EPHB1: variants seen among roughly 807,000 people sequenced by gnomAD.
EPHB1 encodes the protein ephrin type-B receptor 1.
EPHB1 carries 30 observed loss-of-function variants against 94.4 expected under a neutral mutation model. The ratio of observed to expected loss-of-function variants is 0.32; its 90% CI spans 0.24 to 0.43. The LOEUF (loss-of-function observed/expected upper bound fraction) is 0.43. Among genes scored for constraint, EPHB1 ranks in the 20% least tolerant of loss-of-function variants. EPHB1 has a pLI of 1.00. For missense variants in EPHB1, 1,055 were observed against 1,308.3 expected (o/e 0.81, Z 2.99); for synonymous variants, 522 against 489.1 (o/e 1.07, Z -0.89).
At chr3:134,818,008 T>G (rs1327939348) in intron 1 of EPHB1, among the ~76,000 whole-genome samples, 1 of 152,154 alleles carries the variant, frequency 6.6e-6, no homozygotes, top group African/African-American at 2.4e-5. Flanking sequence ...TCTTAATGCT[T>G]TTCCCCGCCC....
intron 4 of EPHB1, among the ~76,000 whole-genome samples, chr3:135,127,968 A>G (rs1404579): frequency 0.21 from 31,413 of 152,058 alleles, 3,322 homozygotes; most frequent in South Asian, 0.29. Context: ...ACAGCTCAAC[A>G]CTTCTCCCAT....
intron 10 of EPHB1, among the ~76,000 whole-genome samples, chr3:135,182,080 A>T (rs370989672): frequency 6.6e-6 from 1 of 152,148 alleles, no homozygotes; most frequent in Non-Finnish European, 1.5e-5. Context: ...ACTTCATGCA[A>T]TTTTAACAGA....
chr3:135,224,029 A>G (rs890222809), intron 12 of EPHB1, among the ~76,000 whole-genome samples: 1 of 152,196 alleles, frequency 6.6e-6, no homozygotes, highest in African/African-American at 2.4e-5. Context: ...CTGTATTTTT[A>G]CTATACCTTT....
At chr3:135,248,991 C>T (rs1932939743) in intron 14 of EPHB1, among the ~76,000 whole-genome samples, 1 of 151,914 alleles carries the variant, frequency 6.6e-6, no homozygotes, top group African/African-American at 2.4e-5. Context: ...ATAAAATATG[C>T]ATATTTTTAA....
At chr3:134,942,670 A>G (rs993116955) in intron 2 of EPHB1, among the ~76,000 whole-genome samples, 1 of 152,230 alleles carries the variant, frequency 6.6e-6, no homozygotes, top group Non-Finnish European at 1.5e-5. Flanking sequence ...GATGCACTCC[A>G]TGGTGGTCGA....
At chr3:134,946,851 C>T (rs141622971) in intron 2 of EPHB1, among the ~76,000 whole-genome samples, 33 of 152,274 alleles carry the variant, frequency 2.2e-4, no homozygotes, top group African/African-American at 7.7e-4. Flanking sequence ...GATTGTGGTG[C>T]CATGCTTCTT....
chr3:135,040,983 C>A (rs1013762175), intron 3 of EPHB1, among the ~76,000 whole-genome samples: 2 of 152,124 alleles, frequency 1.3e-5, no homozygotes, highest in Non-Finnish European at 2.9e-5. Flanking sequence ...CCTGGAGCCC[C>A]TTAGGATAAG....
At chr3:134,828,275 G>C (rs1220524907) in intron 1 of EPHB1, among the ~76,000 whole-genome samples, 1 of 152,218 alleles carries the variant, frequency 6.6e-6, no homozygotes, top group Non-Finnish European at 1.5e-5. Flanking sequence ...AACACTGTGT[G>C]AGTAGGAACA....
chr3:135,117,999 C>G (rs532911113), intron 4 of EPHB1, among the ~76,000 whole-genome samples: 2 of 152,282 alleles, frequency 1.3e-5, no homozygotes, highest in East Asian at 3.9e-4. Context: ...CTGCCATGCC[C>G]TGCCAGTACT....
At chr3:135,001,746 C>T (rs183268623) in intron 3 of EPHB1, among the ~76,000 whole-genome samples, 43 of 152,236 alleles carry the variant, frequency 2.8e-4, no homozygotes, top group African/African-American at 9.6e-4. Flanking sequence ...TTCTCTTCCT[C>T]CTCCTTCTTT....
At chr3:135,176,426 G>A (rs1402278682) in intron 9 of EPHB1, among the ~76,000 whole-genome samples, 1 of 152,184 alleles carries the variant, frequency 6.6e-6, no homozygotes, top group Non-Finnish European at 1.5e-5. Context: ...AATTGACGTT[G>A]CATCACTACT....
chr3:135,225,699 G>A lies in EPHB1; in HGVS notation c.2347-15449G>A, dbSNP rs111589096. On this transcript the variant is annotated intron_variant, in intron 12 of 15. Transcript: ENST00000398015. ...GGAAGGCCACACCTCAGGTGAGTGG[G>A]GATGATGATAGTGGCCACCAAGAGC... Among the ~76,000 whole-genome samples, 1,204 of 152,062 alleles carry A rather than the reference G, an allele frequency of 7.9e-3. 9 individuals carry two copies. The highest frequency in any genetic ancestry group is 0.027 in the African/African-American group (1,111 of 41,476).
rs371354873 is a variant in EPHB1 at position 134,899,658 on chromosome 3, GTTTGTTTTGT to G, written c.59-26145_59-26136del. The stretch of plus-strand genomic sequence containing the variant: ...AGACTTGAAGCTTCTGTTTTTGTTT[GTTTGTTTTGT>G]TTTGTTTTGTTTGTTTTATTTGGAA... On this transcript the variant is annotated intron_variant, in intron 1 of 15. Transcript: ENST00000398015. 7.6e-3 allele frequency among the ~76,000 whole-genome samples: 1,156 copies of G among 152,198 alleles called. 26 individuals are homozygous for G. The South Asian group carries it at 0.081, about 11-fold the overall frequency.
chr3:135,243,086 AAAAAAAAAG>A (rs1559888354), intron 13 of EPHB1, among the ~76,000 whole-genome samples: 9 of 147,876 alleles, frequency 6.1e-5, no homozygotes, highest in Admixed American at 1.4e-4. Context: ...AAAAAAAAAA[AAAAAAAAAG>A]AAAAGAAAAG....
chr3:134,915,051 C>G (rs1292634269), intron 1 of EPHB1, among the ~76,000 whole-genome samples: 3 of 152,122 alleles, frequency 2.0e-5, no homozygotes, highest in Non-Finnish European at 4.4e-5. Context: ...GGAGGAAGCA[C>G]CTGGCCTTCC....
At chr3:135,179,593 A>G (rs1457615254) in intron 9 of EPHB1, among the ~76,000 whole-genome samples, 2 of 152,236 alleles carry the variant, frequency 1.3e-5, no homozygotes, top group East Asian at 1.9e-4. Context: ...TCTGTCACTT[A>G]TAAGTAATCT....
intron 4 of EPHB1, among the ~76,000 whole-genome samples, chr3:135,121,553 A>G (rs546250620): frequency 6.6e-6 from 1 of 152,316 alleles, no homozygotes; most frequent in African/African-American, 2.4e-5. Flanking sequence ...GCCTCCAGTG[A>G]CAGCAAATGC....
chr3:134,838,887 C>T, intron 1 of EPHB1, among the ~76,000 whole-genome samples: 1 of 152,204 alleles, frequency 6.6e-6, no homozygotes, highest in Non-Finnish European at 1.5e-5. Flanking sequence ...GGCAAACCTT[C>T]TACCCCTAGG....
intron 1 of EPHB1, among the ~76,000 whole-genome samples, chr3:134,901,496 C>G (rs2038202902): frequency 6.6e-6 from 1 of 152,238 alleles, no homozygotes; most frequent in African/African-American, 2.4e-5. Flanking sequence ...ATCCTGCAAA[C>G]TGAGAGTTAC....
Sources: allele counts gnomAD v4.1 joint callset (sites outside exome capture counted in the v4.1 genomes callset), GRCh38; gene constraint gnomAD v4.1.1; transcripts MANE v1.5; gene names NCBI Gene and HGNC (gene_info 2026-07-23, HGNC 2026-07-21).